Variants in RBFOX1 observed in about 807,000 individuals in gnomAD.
The protein encoded by RBFOX1 is RNA binding protein fox-1 homolog 1.
Under a neutral mutation model 57.7 loss-of-function variants are expected in RBFOX1, and 8 were observed. The observed-to-expected ratio is 0.14, with a 90% CI of 0.08 to 0.25. The LOEUF (loss-of-function observed/expected upper bound fraction) is 0.25, where lower values mean the gene tolerates loss of function less well. Among genes scored for constraint, RBFOX1 ranks in the 10% least tolerant of loss-of-function variants. The pLI is 1.00. For synonymous variants in RBFOX1, 326 were observed against 222.4 expected, an observed-to-expected ratio of 1.47 and a Z score of -4.15; for missense variants, 611 against 548.5, an observed-to-expected ratio of 1.11 and a Z score of -1.14.
chr16:5,848,491 C>G (rs781007580), intron 3 of RBFOX1, among the ~76,000 whole-genome samples: 7 of 152,054 alleles, frequency 4.6e-5, no homozygotes, highest in Non-Finnish European at 8.8e-5. Context: ...TCCATGGACT[C>G]CAGGTTAAGA....
chr16:6,471,859 G>A (rs941459551), intron 2 of RBFOX1, among the ~76,000 whole-genome samples: 1 of 152,190 alleles, frequency 6.6e-6, no homozygotes, highest in Non-Finnish European at 1.5e-5. Flanking sequence ...TTCACAGGAA[G>A]TCGACTTGCA....
At chr16:6,487,736 TATATATATATATATATATA>T (rs2095535800) in intron 2 of RBFOX1, among the ~76,000 whole-genome samples, 1 of 55,740 alleles carries the variant, frequency 1.8e-5, no homozygotes, top group Non-Finnish European at 3.4e-5. Context: ...TATATATATA[TATATATATATATATATATA>T]AAATATTATG....
At chr16:7,579,429 C>T (rs2093583525) in intron 5 of RBFOX1, among the ~76,000 whole-genome samples, 1 of 152,108 alleles carries the variant, frequency 6.6e-6, no homozygotes, top group Non-Finnish European at 1.5e-5. Context: ...CCCAGCAGCT[C>T]CCAGTCCCCT....
chr16:5,363,334 C>T (rs781153671), intron 1 of RBFOX1, among the ~76,000 whole-genome samples: 1 of 152,198 alleles, frequency 6.6e-6, no homozygotes, highest in African/African-American at 2.4e-5. Flanking sequence ...CATAAGCCAC[C>T]GTGTCCAGCC....
At chr16:6,445,877 G>C (rs560306818) in intron 2 of RBFOX1, among the ~76,000 whole-genome samples, 1 of 152,026 alleles carries the variant, frequency 6.6e-6, no homozygotes, top group Non-Finnish European at 1.5e-5. Flanking sequence ...CACTGCGCCC[G>C]GCCATCTCTG....
At chr16:5,270,893 A>G (rs1426008242) in intron 1 of RBFOX1, 1 of 410,158 alleles carries the variant, frequency 2.4e-6, no homozygotes, top group Non-Finnish European at 4.6e-6. Context: ...ACTAGGGACG[A>G]GACACATGCT....
In RBFOX1 at chr16:6,409,084, C is replaced by G. The variant is rs2093375715; in HGVS notation, c.-64+92027C>G. Among the ~76,000 whole-genome samples, 4 of 152,186 alleles carry G rather than the reference C, an allele frequency of 2.6e-5. No homozygotes were observed. In the South Asian group the frequency reaches 8.3e-4, roughly 32 times the overall value. On this transcript the variant is annotated intron_variant, in intron 2 of 15. Coordinates refer to ENST00000550418, the MANE Select transcript of RBFOX1 (RefSeq NM_018723.4). ...ATAAATGAATAAATTCACAGTCTCT[C>G]CCTACATACTACTTCAAATACTAAT...
Position 6,924,584 on chromosome 16 carries a change from C to T in RBFOX1, c.-15-127473C>T, listed in dbSNP as rs183312814. 4.7e-4 allele frequency among the ~76,000 whole-genome samples: 71 copies of T among 152,162 alleles called. 2 individuals carry two copies. The highest frequency in any genetic ancestry group is 4.6e-4 in the African/African-American group (19 of 41,534). ...AGGACACATATCCAAACTGTATCAC[C>T]GAGCCTCCATTTCTTCACCTGCAAA... On this transcript the variant is annotated intron_variant, in intron 3 of 15. Coordinates refer to ENST00000550418, the MANE Select transcript of RBFOX1 (RefSeq NM_018723.4).
At chr16:5,926,622 T>A (rs1163193859) in intron 4 of RBFOX1, among the ~76,000 whole-genome samples, 1 of 152,136 alleles carries the variant, frequency 6.6e-6, no homozygotes, top group African/African-American at 2.4e-5. Context: ...AATCTCAATC[T>A]CTTCATTATT....
At chr16:6,591,088 T>A (rs189160214) in intron 2 of RBFOX1, among the ~76,000 whole-genome samples, 59 of 152,262 alleles carry the variant, frequency 3.9e-4, no homozygotes, top group South Asian at 1.2e-3. Flanking sequence ...AGTGCTGTGA[T>A]TATTCTTAGA....
chr16:6,513,292 A>C (rs992957590), intron 2 of RBFOX1, among the ~76,000 whole-genome samples: 1 of 152,288 alleles, frequency 6.6e-6, no homozygotes, highest in African/African-American at 2.4e-5. Flanking sequence ...TGGCAAAGGG[A>C]CTGGGCTGCT....
intron 2 of RBFOX1, among the ~76,000 whole-genome samples, chr16:6,617,896 G>A (rs2098166853): frequency 6.6e-6 from 1 of 152,230 alleles, no homozygotes; most frequent in Middle Eastern, 3.4e-3. Context: ...AGAAGTGTCT[G>A]GGGGCAGGGG....
At chr16:5,878,740 T>A (rs1182392025) in intron 4 of RBFOX1, among the ~76,000 whole-genome samples, 1 of 152,134 alleles carries the variant, frequency 6.6e-6, no homozygotes, top group East Asian at 1.9e-4. Context: ...TGTTGAGCTA[T>A]GAATAAATGA....
intron 3 of RBFOX1, among the ~76,000 whole-genome samples, chr16:5,814,797 A>C (rs982814245): frequency 9.8e-4 from 149 of 152,116 alleles, no homozygotes; most frequent in African/African-American, 3.2e-3. Context: ...GGCGCGGTGG[A>C]GGGCGCCTGT....
chr16:5,974,406 C>T (rs547230412), intron 4 of RBFOX1, among the ~76,000 whole-genome samples: 19 of 151,892 alleles, frequency 1.3e-4, no homozygotes, highest in Non-Finnish European at 2.2e-4. Context: ...GTCAGGAGTT[C>T]GAGACCAGCC....
intron 9 of RBFOX1, among the ~76,000 whole-genome samples, chr16:7,603,648 G>C (rs1187690169): frequency 1.3e-5 from 2 of 152,112 alleles, no homozygotes; most frequent in African/African-American, 4.8e-5. Flanking sequence ...TGGATACAAA[G>C]AGACTTTGAT....
intron 3 of RBFOX1, among the ~76,000 whole-genome samples, chr16:7,026,670 T>A (rs2041050900): frequency 6.6e-6 from 1 of 152,194 alleles, no homozygotes; most frequent in African/African-American, 2.4e-5. Context: ...CCAGAAATAC[T>A]GTCCCTGTAC....
At chr16:7,138,155 A>G (rs1388259800) in intron 4 of RBFOX1, among the ~76,000 whole-genome samples, 1 of 152,186 alleles carries the variant, frequency 6.6e-6, no homozygotes, top group Non-Finnish European at 1.5e-5. Context: ...GGGTAAACAG[A>G]TAATGCAAAT....
chr16:7,174,998 A>G (rs1215155810), intron 4 of RBFOX1, among the ~76,000 whole-genome samples: 1 of 152,060 alleles, frequency 6.6e-6, no homozygotes, highest in Non-Finnish European at 1.5e-5. Context: ...CCTGATGTCT[A>G]ATGATGTTGA....
Sources: allele counts gnomAD v4.1 joint callset (sites outside exome capture counted in the v4.1 genomes callset), GRCh38; gene constraint gnomAD v4.1.1; transcripts MANE v1.5; gene names NCBI Gene and HGNC (gene_info 2026-07-23, HGNC 2026-07-21).